EDIL3: variants seen among roughly 807,000 people sequenced by gnomAD.
EDIL3 encodes EGF-like repeat and discoidin I-like domain-containing protein 3.
In EDIL3, 37 loss-of-function variants were observed where a neutral mutation model predicts 67.4. The ratio of observed to expected loss-of-function variants is 0.55; its 90% CI spans 0.42 to 0.72. The LOEUF is 0.72. EDIL3 is among the 30% of genes least tolerant of loss of function. The pLI is 0.00. For missense variants in EDIL3, 527 were observed against 586.3 expected (o/e 0.90, Z 1.04); for synonymous variants, 195 against 196.3 (o/e 0.99, Z 0.05).
intron 4 of EDIL3, among the ~76,000 whole-genome samples, chr5:84,166,333 TTTTG>T (rs1051117449): frequency 1.5e-3 from 234 of 152,286 alleles, no homozygotes; most frequent in African/African-American, 4.8e-3. Context: ...ATTTAAGAGT[TTTTG>T]TTTGTTTGTT....
In EDIL3 at chr5:83,949,221, C is replaced by T. The variant is rs1744364648; in HGVS notation, c.1294-5653G>A. Among the ~76,000 whole-genome samples the T allele has an allele frequency of 2.6e-5, 4 of 151,670 alleles. No homozygotes were observed. In the South Asian group the frequency reaches 8.3e-4, roughly 31 times the overall value. ...GTCATTGACAGAAAGGAACAGAGAG[C>T]TACCACAGTGTCTTCCATCCCATAG... On this transcript the variant is annotated intron_variant, in intron 10 of 10. Transcript: ENST00000296591.
At chr5:83,971,045 C>G (rs186756553) in intron 9 of EDIL3, among the ~76,000 whole-genome samples, 57 of 151,340 alleles carry the variant, frequency 3.8e-4, no homozygotes, top group African/African-American at 1.3e-3. Flanking sequence ...TCTCACTCAT[C>G]CTTTTCATTT....
At chr5:84,012,042 A>G (rs1328463919) in intron 9 of EDIL3, among the ~76,000 whole-genome samples, 1 of 152,168 alleles carries the variant, frequency 6.6e-6, no homozygotes, top group African/African-American at 2.4e-5. Flanking sequence ...AGTGACTAGA[A>G]TGATTCTTGT....
chr5:84,196,197 A>G (rs945826437), intron 3 of EDIL3, among the ~76,000 whole-genome samples: 1 of 152,022 alleles, frequency 6.6e-6, no homozygotes, highest in African/African-American at 2.4e-5. Context: ...TTTGCAAAAA[A>G]AATATAAATG....
At chr5:84,354,906 T>A (rs1198441635) in intron 1 of EDIL3, among the ~76,000 whole-genome samples, 3 of 152,278 alleles carry the variant, frequency 2.0e-5, no homozygotes, top group South Asian at 2.1e-4. Context: ...TCATTAAAAA[T>A]CACCTATTAT....
At chr5:84,256,567 C>T (rs1225129507) in intron 1 of EDIL3, among the ~76,000 whole-genome samples, 3 of 152,024 alleles carry the variant, frequency 2.0e-5, no homozygotes, top group Admixed American at 6.6e-5. Flanking sequence ...AATATAAATA[C>T]GTATTAGAAA....
chr5:84,303,504 T>C (rs1393232947), intron 1 of EDIL3, among the ~76,000 whole-genome samples: 1 of 152,200 alleles, frequency 6.6e-6, no homozygotes, highest in Non-Finnish European at 1.5e-5. Context: ...CAAGTTGAAT[T>C]ACATTCATGG....
chr5:84,198,917 A>C (rs1405469198), intron 3 of EDIL3, among the ~76,000 whole-genome samples: 1 of 152,092 alleles, frequency 6.6e-6, no homozygotes, highest in Non-Finnish European at 1.5e-5. Flanking sequence ...CTGGGCTATA[A>C]GATTTCCAGA....
intron 9 of EDIL3, among the ~76,000 whole-genome samples, chr5:84,041,752 G>C (rs1580294885): frequency 6.6e-6 from 1 of 150,968 alleles, no homozygotes; most frequent in East Asian, 1.9e-4. Flanking sequence ...AAAGGACTTT[G>C]GATTCATTAC....
At chr5:84,254,783 T>G (rs928586876) in intron 1 of EDIL3, among the ~76,000 whole-genome samples, 1 of 151,826 alleles carries the variant, frequency 6.6e-6, no homozygotes, top group African/African-American at 2.4e-5. Context: ...TTGAGATGAG[T>G]GAAAGAAATG....
intron 1 of EDIL3, among the ~76,000 whole-genome samples, chr5:84,335,814 G>T (rs1409130802): frequency 6.6e-6 from 1 of 152,038 alleles, no homozygotes. Context: ...AGTTTATAAA[G>T]AACAGAAATT....
Position 84,176,812 on chromosome 5 carries a change from G to GATATATAT in EDIL3, c.355+3573_355+3580dup, listed in dbSNP as rs10694924. Among the ~76,000 whole-genome samples, 23 of 149,014 alleles carry GATATATAT rather than the reference G, an allele frequency of 1.5e-4. No individual in the cohort carries two copies. The East Asian group carries it at 3.2e-3, about 21-fold the overall frequency. ...ATGCGTGTGTTTCACATTCTTCTAT[G>GATATATAT]ATATATATATATATAAAATTTGATA... On this transcript the variant is annotated intron_variant, in intron 4 of 10. Transcript: ENST00000296591.
At chr5:84,254,403 A>C (rs1420218368) in intron 1 of EDIL3, among the ~76,000 whole-genome samples, 191 bp from the exon 2 acceptor site, 4 of 152,186 alleles carry the variant, frequency 2.6e-5, no homozygotes, top group Non-Finnish European at 5.9e-5. Context: ...AACATGGCAA[A>C]AATTAAACTG....
At chr5:84,083,912 T>G (rs1245665885) in intron 6 of EDIL3, among the ~76,000 whole-genome samples, 1 of 152,242 alleles carries the variant, frequency 6.6e-6, no homozygotes, top group African/African-American at 2.4e-5. Context: ...GTATTTCATT[T>G]GTTCTTTATA....
intron 6 of EDIL3, among the ~76,000 whole-genome samples, chr5:84,093,241 T>C (rs534026157): frequency 1.3e-5 from 2 of 152,220 alleles, no homozygotes; most frequent in Admixed American, 6.5e-5. Flanking sequence ...TACTGACATC[T>C]ATTTAACATA....
rs373891518 is a variant in EDIL3 at position 84,254,230 on chromosome 5, A to C, written c.68-18T>G. 225 of 1,593,998 alleles carry C rather than the reference A, an allele frequency of 1.4e-4. No homozygotes were observed. The African/African-American group carries it at 1.9e-3, about 13-fold the overall frequency. ...AATATCACCTAAGGCATAAAAAAAA[A>C]CCGAAATTGACATTTTTTTTTTGTC... On this transcript the variant is annotated intron_variant, in intron 1 of 10. Transcript: ENST00000296591.
intron 9 of EDIL3, among the ~76,000 whole-genome samples, chr5:84,057,989 A>G (rs990563934): frequency 3.3e-5 from 5 of 152,168 alleles, no homozygotes; most frequent in Non-Finnish European, 7.4e-5. Flanking sequence ...TATACATGAT[A>G]AAGATTTAAG....
Position 83,968,750 on chromosome 5 carries a change from T to C in EDIL3, c.1138-5390A>G, listed in dbSNP as rs543655063. 3.3e-5 allele frequency among the ~76,000 whole-genome samples: 5 copies of C among 152,154 alleles called. No individual in the cohort carries two copies. In the South Asian group the frequency reaches 6.2e-4, roughly 19 times the overall value. The stretch of plus-strand genomic sequence containing the variant: ...GTCAATCTGAACTACAACTTATGAT[T>C]GTTGTCAGCTTATAACTATTAATTT... On this transcript the variant is annotated intron_variant, in intron 9 of 10. Coordinates refer to ENST00000296591, the MANE Select transcript of EDIL3 (RefSeq NM_005711.5).
At chr5:84,001,848 A>G (rs954714902) in intron 9 of EDIL3, among the ~76,000 whole-genome samples, 7 of 152,150 alleles carry the variant, frequency 4.6e-5, no homozygotes, top group African/African-American at 1.7e-4. Context: ...GCTAATACTA[A>G]TCCTACTCAA....
Sources: gnomAD v4.1 joint callset for allele counts (sites outside exome capture counted in the v4.1 genomes callset) on GRCh38, gnomAD v4.1.1 for gene constraint, MANE v1.5 for transcripts, NCBI Gene and HGNC (gene_info 2026-07-23, HGNC 2026-07-21) for gene names.